NEK10: variants seen among roughly 807,000 people sequenced by gnomAD.
NEK10 encodes serine/threonine-protein kinase Nek10.
Under a neutral mutation model 159.8 loss-of-function variants are expected in NEK10, and 122 were observed. That is an observed-to-expected ratio of 0.76 (90% CI 0.66 to 0.89). The LOEUF is 0.89. NEK10 is among the 40% of genes least tolerant of loss of function. The pLI, the probability that NEK10 is intolerant of heterozygous loss-of-function variation, is 0.00. For synonymous variants in NEK10, 466 were observed against 457.1 expected (o/e 1.02, Z -0.25); for missense variants, 1,342 against 1,323.1 (o/e 1.01, Z -0.22).
At chr3:27,212,735 C>A (rs1014805874) in intron 23 of NEK10, among the ~76,000 whole-genome samples, 3 of 152,140 alleles carry the variant, frequency 2.0e-5, no homozygotes, top group African/African-American at 7.2e-5. Flanking sequence ...ACATGGGGAA[C>A]CCAGGGCTTG....
At chr3:27,263,906 G>A (rs1397480334) in intron 22 of NEK10, among the ~76,000 whole-genome samples, 5 of 152,150 alleles carry the variant, frequency 3.3e-5, no homozygotes, top group African/African-American at 7.2e-5. Flanking sequence ...CTTCTGCGTC[G>A]CTCATGCTGG....
chr3:27,221,759 C>G (rs993774704), intron 23 of NEK10, among the ~76,000 whole-genome samples: 1 of 152,178 alleles, frequency 6.6e-6, no homozygotes, highest in Non-Finnish European at 1.5e-5. Flanking sequence ...AACTCACTGC[C>G]TGGTCCCTCC....
chr3:27,199,618 A>C (rs1949871208), intron 25 of NEK10, among the ~76,000 whole-genome samples: 1 of 152,220 alleles, frequency 6.6e-6, no homozygotes, highest in Non-Finnish European at 1.5e-5. Context: ...CTCTATACCT[A>C]AAGGAATACG....
chr3:27,214,845 T>C, intron 23 of NEK10: 2 of 1,211,584 alleles, frequency 1.7e-6, no homozygotes, highest in South Asian at 1.2e-5. Context: ...AGCCTGGAAA[T>C]CATGTGACAG....
At position 27,322,221 on chromosome 3, in the gene NEK10, C is replaced by G; in HGVS notation, c.403G>C (p.Val135Leu). The G allele has an allele frequency of 6.4e-7, 1 of 1,568,440 alleles. No individual in the cohort carries two copies. The highest frequency in any genetic ancestry group is 8.7e-7 in the Non-Finnish European group (1 of 1,153,204). ...NRAPSIHFLR[V>L]LICLRLLMRD... Reference sequence around the variant, plus strand: ...ATTAGTAGCCTCAGACAGATTAACACTCTCAGAAAATGAATAGATGGGGCT... The same window carrying G: ...ATTAGTAGCCTCAGACAGATTAACAGTCTCAGAAAATGAATAGATGGGGCT... The change falls in exon 6 of 36, where the codon GTG (valine) becomes CTG (leucine). Residue 135 changes from valine to leucine, a missense_variant. Coordinates refer to ENST00000691995, the MANE Select transcript of NEK10 (RefSeq NM_001394966.1).
chr3:27,346,686 TTGAGAA>T (rs2047577528), intron 3 of NEK10, among the ~76,000 whole-genome samples: 3 of 152,168 alleles, frequency 2.0e-5, no homozygotes, highest in Non-Finnish European at 4.4e-5. Context: ...AGTGCCCAAA[TTGAGAA>T]TGAGTCATCA....
In NEK10 at chr3:27,202,448, T is replaced by C. The variant is rs1271166337; in HGVS notation, c.2200A>G (p.Met734Val). The part of the protein sequence containing the change: ...TLSPPFYSTN[M>V]LSLATKIVEA... ...CTTACTTTTGTAGCCAAGGACAGCA[T>C]GTTAGTGCTGTAGAAGGGGGGACTC... Residue 734 changes from methionine to valine, a missense_variant, in exon 24 of 36, where the codon ATG (methionine) becomes GTG (valine). Coordinates refer to ENST00000691995, the MANE Select transcript of NEK10 (RefSeq NM_001394966.1). 2 of 1,613,548 alleles carry C rather than the reference T, an allele frequency of 1.2e-6. No individual in the cohort carries two copies. The highest frequency in any genetic ancestry group is 1.7e-6 in the Non-Finnish European group (2 of 1,179,668).
intron 29 of NEK10, among the ~76,000 whole-genome samples, chr3:27,164,667 G>A (rs1946322037): frequency 6.6e-6 from 1 of 152,156 alleles, no homozygotes; most frequent in South Asian, 2.1e-4. Flanking sequence ...TAACAATGTG[G>A]TCCAGGCCCT....
At chr3:27,260,061 A>G (rs1384984878) in intron 22 of NEK10, among the ~76,000 whole-genome samples, 1 of 152,186 alleles carries the variant, frequency 6.6e-6, no homozygotes, top group Non-Finnish European at 1.5e-5. Flanking sequence ...ATTTTTGTAC[A>G]TTAATTTTGT....
At position 27,109,200 on chromosome 3, in the gene NEK10, G is replaced by A. The variant is rs1939271107; in HGVS notation, c.*2072C>T. Among the ~76,000 whole-genome samples, 2 of 152,068 alleles carry A rather than the reference G, an allele frequency of 1.3e-5. No individual in the cohort carries two copies. Among genetic ancestry groups the A allele is most frequent in the Non-Finnish European group, 2.9e-5 (2 of 68,008 alleles). Reference sequence around the variant, plus strand: ...TTGAGACCAGCCTGGCCAACATGGTGTAACCCCATCTCTACTAAAAACACA... The same window carrying A: ...TTGAGACCAGCCTGGCCAACATGGTATAACCCCATCTCTACTAAAAACACA... On this transcript the variant is annotated 3_prime_UTR_variant, in exon 36 of 36. Transcript: ENST00000691995.
At chr3:27,278,716 A>C in intron 22 of NEK10, 1 of 984,706 alleles carries the variant, frequency 1.0e-6, no homozygotes, top group Non-Finnish European at 1.2e-6. Context: ...AGAGGAGGCA[A>C]GCGGACATGG....
intron 1 of NEK10, among the ~76,000 whole-genome samples, chr3:27,353,609 A>G (rs1205103602): frequency 6.6e-6 from 1 of 152,182 alleles, no homozygotes; most frequent in African/African-American, 2.4e-5. Flanking sequence ...TAGTTGGGCT[A>G]CAATTAAGAG....
At chr3:27,230,249 A>G (rs113990121) in intron 23 of NEK10, among the ~76,000 whole-genome samples, 4 of 152,190 alleles carry the variant, frequency 2.6e-5, no homozygotes, top group South Asian at 2.1e-4. Context: ...TTCAGCCAAG[A>G]TTTGTATAGC....
chr3:27,280,426 A>G (rs1225883029), intron 22 of NEK10, among the ~76,000 whole-genome samples: 1 of 152,174 alleles, frequency 6.6e-6, no homozygotes, highest in Non-Finnish European at 1.5e-5. Context: ...CAGTAAATCA[A>G]GCACCCTCTG....
chr3:27,215,127 A>G (rs984137729), intron 23 of NEK10: 1 of 390,188 alleles, frequency 2.6e-6, no homozygotes, highest in Non-Finnish European at 4.8e-6. Flanking sequence ...GAAAACTTCC[A>G]TAGTTTCGGC....
At chr3:27,223,577 G>A (rs966792239) in intron 23 of NEK10, among the ~76,000 whole-genome samples, 10 of 152,104 alleles carry the variant, frequency 6.6e-5, no homozygotes, top group African/African-American at 1.7e-4. Flanking sequence ...TTCTCACATC[G>A]TGTCTGACAC....
intron 23 of NEK10, among the ~76,000 whole-genome samples, chr3:27,207,420 A>C (rs573576064): frequency 3.9e-5 from 6 of 152,322 alleles, no homozygotes; most frequent in African/African-American, 1.4e-4. Flanking sequence ...TCTTGGAAAC[A>C]ATGACATTTA....
chr3:27,130,395 A>G (rs534920007), intron 32 of NEK10, among the ~76,000 whole-genome samples: 4 of 152,184 alleles, frequency 2.6e-5, no homozygotes, highest in Admixed American at 6.5e-5. Flanking sequence ...AATACACAGG[A>G]AGGAAGACAA....
chr3:27,299,765 T>C (rs1575642801), intron 13 of NEK10, among the ~76,000 whole-genome samples: 1 of 152,136 alleles, frequency 6.6e-6, no homozygotes, highest in Non-Finnish European at 1.5e-5. Flanking sequence ...TCAAAGGAGA[T>C]CATTTTGGAG....
Sources: allele counts gnomAD v4.1 joint callset (sites outside exome capture counted in the v4.1 genomes callset), GRCh38; gene constraint gnomAD v4.1.1; transcripts MANE v1.5; gene names NCBI Gene and HGNC (gene_info 2026-07-23, HGNC 2026-07-21).